MS4A13: variants seen among roughly 807,000 people sequenced by gnomAD.
MS4A13 encodes the protein membrane spanning 4-domains A13, also known as membrane-spanning 4-domains subfamily A member 13.
MS4A13 carries 21 observed loss-of-function variants against 18.4 expected under a neutral mutation model. The ratio of observed to expected loss-of-function variants is 1.14; its 90% CI spans 0.81 to 1.64. The LOEUF (loss-of-function observed/expected upper bound fraction) is 1.64. MS4A13 is among the 40% of genes most tolerant of loss of function. The probability of loss-of-function intolerance (pLI) is 0.00; values close to 1 mark genes in which losing one functional copy is unlikely to be tolerated. For missense variants in MS4A13, 173 were observed against 176.8 expected (o/e 0.98, Z 0.12); for synonymous variants, 62 against 57.2 (o/e 1.08, Z -0.38).
intron 6 of MS4A13, among the ~76,000 whole-genome samples, chr11:60,538,417 A>C (rs2135271371): frequency 6.6e-6 from 1 of 151,740 alleles, no homozygotes; most frequent in Non-Finnish European, 1.5e-5. Context: ...AGTTGATTTT[A>C]AATGTTTTCA....
rs963012156 is a variant in MS4A13 at position 60,538,829 on chromosome 11, G to A, written c.403-3690G>A. On this transcript the variant is annotated intron_variant, in intron 6 of 6. Coordinates refer to ENST00000378186, the MANE Select transcript of MS4A13 (RefSeq NM_001012417.3). ...AGGAGAAAGTTTTATCTGGCTGATG[G>A]CAGAAAGGGAAGTCAGAGAGATTTG... is the stretch of plus-strand genomic sequence containing the variant. Among the ~76,000 whole-genome samples the A allele has an allele frequency of 7.5e-5, 10 of 133,446 alleles. No homozygotes were observed. In the South Asian group the frequency reaches 8.2e-4, roughly 11 times the overall value. 87.5% of individuals were successfully genotyped at this position (133,446 alleles called of 152,430 possible).
intron 6 of MS4A13, among the ~76,000 whole-genome samples, chr11:60,531,892 CA>C (rs2086769878): frequency 6.6e-6 from 1 of 152,152 alleles, no homozygotes; most frequent in Non-Finnish European, 1.5e-5. Context: ...AGTCACATTC[CA>C]AGGTACTGGG....
At position 60,542,673 on chromosome 11, in the gene MS4A13, T is replaced by C. The variant is rs1244992843; in HGVS notation, c.*98T>C. On this transcript the variant is annotated 3_prime_UTR_variant, in exon 7 of 7. Transcript: ENST00000378186. ...AAGCAGTTACGAAGCCTACAGATTTTGTGCAAAATAAAATACAAACAAGGT... is the reference window on the plus strand; with the variant it reads ...AAGCAGTTACGAAGCCTACAGATTTCGTGCAAAATAAAATACAAACAAGGT... The C allele has an allele frequency of 1.0e-5, 7 of 674,096 alleles. No individual in the cohort carries two copies. In the Admixed American group the frequency reaches 2.1e-4, roughly 20 times the overall value. 41.8% of individuals were successfully genotyped at this position (674,096 alleles called of 1,614,324 possible).
Position 60,538,314 on chromosome 11 carries a change from G to A in MS4A13, c.403-4205G>A, listed in dbSNP as rs535707812. Among the ~76,000 whole-genome samples the A allele has an allele frequency of 1.2e-3, 180 of 151,804 alleles. 1 individual carries two copies. The highest frequency in any genetic ancestry group is 4.1e-3 in the African/African-American group (169 of 41,408). ...GTTGATCAAAGGCCATACAGTTTTC[G>A]TTAGACAGGAGGAGTAAGCTTTAGG... On this transcript the variant is annotated intron_variant, in intron 6 of 6. Transcript: ENST00000378186.
chr11:60,542,483 C>T, intron 6 of MS4A13, 36 bp from the exon 7 acceptor site: 1 of 1,432,432 alleles, frequency 7.0e-7, no homozygotes, highest in Non-Finnish European at 9.8e-7. Flanking sequence ...TATTAAGAAA[C>T]ATGATATGAT....
chr11:60,532,175 T>C (rs1233221231), intron 6 of MS4A13, among the ~76,000 whole-genome samples: 1 of 152,218 alleles, frequency 6.6e-6, no homozygotes, highest in Non-Finnish European at 1.5e-5. Context: ...GGAGCCAAGA[T>C]GGCCGAATAG....
At chr11:60,527,410 C>CTCTCTCTCTGTGTGTGTGTGTGTGTG (rs1555024373) in intron 5 of MS4A13, among the ~76,000 whole-genome samples, 1 of 28,788 alleles carries the variant, frequency 3.5e-5, no homozygotes, top group Non-Finnish European at 5.7e-5. Context: ...CTCTCTCTCT[C>CTCTCTCTCTGTGTGTGTGTGTGTGTG]TGTGTGTGTG....
intron 3 of MS4A13, 46 bp downstream of exon 3, chr11:60,518,258 A>G (rs1459053560): frequency 1.4e-6 from 2 of 1,475,026 alleles, no homozygotes; most frequent in Non-Finnish European, 1.8e-6. Context: ...AATAAATAAT[A>G]TTCATGCCAA....
chr11:60,516,265 G>C (rs1270361504), intron 2 of MS4A13, among the ~76,000 whole-genome samples, 181 bp downstream of exon 2: 2 of 151,792 alleles, frequency 1.3e-5, no homozygotes, highest in Non-Finnish European at 2.9e-5. Flanking sequence ...CATGTGCTGA[G>C]ATATGGGGAT....
At chr11:60,542,404 G>C (rs1590884553) in intron 6 of MS4A13, 115 bp from the exon 7 acceptor site, 3 of 559,014 alleles carry the variant, frequency 5.4e-6, no homozygotes, top group Non-Finnish European at 9.1e-6. Flanking sequence ...GATACTTTAA[G>C]ATTTCACTCT....
intron 6 of MS4A13, among the ~76,000 whole-genome samples, chr11:60,538,268 G>C (rs942661369): frequency 6.6e-6 from 1 of 151,714 alleles, no homozygotes; most frequent in Non-Finnish European, 1.5e-5. Context: ...GGCCGATGGG[G>C]CATAGATGAG....
chr11:60,529,411 T>G lies in MS4A13; in HGVS notation c.353T>G (p.Leu118Trp). The stretch of plus-strand genomic sequence containing the variant: ...CGTATTTTACTGTTCTTCTACGGTT[T>G]GGAATTTTCTATTGCACTTACACAC... The part of the protein sequence containing the change: ...VSRILLFFYG[L>W]EFSIALTHSI... The change falls in exon 6 of 7, where the codon TTG (leucine) becomes TGG (tryptophan). Residue 118 changes from leucine to tryptophan, a missense_variant. Leu to Trp is a moderately conservative substitution (Grantham distance 61). Transcript: ENST00000378186. The G allele has an allele frequency of 6.2e-7, 1 of 1,610,710 alleles. No homozygotes were observed. Among genetic ancestry groups the G allele is most frequent in the Non-Finnish European group, 8.5e-7 (1 of 1,178,526 alleles).
At position 60,525,266 on chromosome 11, in the gene MS4A13, TCTAA is replaced by T; in HGVS notation, c.248_251del (p.Leu83GlnfsTer2). On this transcript the variant is annotated frameshift_variant, in exon 5 of 7. Transcript: ENST00000378186. LOFTEE classifies it high-confidence loss of function. ...TAATTACTACAATTACTGCAGTAAC[TCTAA>T]CAATAATAGAGTTGTCTCATTTTAA... 6.3e-7 allele frequency: 1 copy of T among 1,584,036 alleles called. No homozygotes were observed. The highest frequency in any genetic ancestry group is 8.7e-7 in the Non-Finnish European group (1 of 1,154,746).
chr11:60,517,359 A>C (rs2086644546), intron 2 of MS4A13, among the ~76,000 whole-genome samples: 1 of 152,218 alleles, frequency 6.6e-6, no homozygotes, highest in Non-Finnish European at 1.5e-5. Context: ...TTTAAAGAGT[A>C]ATCAAAAATG....
At chr11:60,532,537 G>A (rs374160000) in intron 6 of MS4A13, among the ~76,000 whole-genome samples, 21 of 152,168 alleles carry the variant, frequency 1.4e-4, no homozygotes, top group South Asian at 4.2e-4. Context: ...ACGGAATCTC[G>A]CTGATTGCTA....
At position 60,533,443 on chromosome 11, in the gene MS4A13, G is replaced by A. The variant is rs1172397977; in HGVS notation, c.402+3983G>A. On this transcript the variant is annotated intron_variant, in intron 6 of 6. Coordinates refer to ENST00000378186, the MANE Select transcript of MS4A13 (RefSeq NM_001012417.3). The stretch of plus-strand genomic sequence containing the variant: ...ATCAGCAATGGAAGATGAAATGAAT[G>A]AAATGAAGCGAGAAGGGAAGTTTAG... 1.9e-5 allele frequency among the ~76,000 whole-genome samples: 2 copies of A among 105,526 alleles called. 1 individual carries two copies. The highest frequency in any genetic ancestry group is 3.8e-5 in the Non-Finnish European group (2 of 52,648). The allele number at this position is 105,526 out of a possible 152,430, so 69.2% of individuals were successfully genotyped here. A position where few individuals can be genotyped will look rare whatever the true frequency, so the allele number is the denominator to read the frequency against.
chr11:60,522,515 A>G (rs12419383), intron 3 of MS4A13, among the ~76,000 whole-genome samples: 52,520 of 151,930 alleles, frequency 0.35, 9,276 homozygotes, highest in South Asian at 0.39. Context: ...CTTCGAACAG[A>G]TGGAATGAGG....
At chr11:60,538,358 G>C (rs915351717) in intron 6 of MS4A13, among the ~76,000 whole-genome samples, 4 of 151,272 alleles carry the variant, frequency 2.6e-5, no homozygotes, top group Admixed American at 1.3e-4. Flanking sequence ...ACGTAGACTG[G>C]GGACTATAAT....
At chr11:60,525,577 G>A (rs2086708229) in intron 5 of MS4A13, among the ~76,000 whole-genome samples, 1 of 152,180 alleles carries the variant, frequency 6.6e-6, no homozygotes, top group East Asian at 1.9e-4. Context: ...TCAGTGGCAA[G>A]TGTCTATGTA....
Sources: allele counts gnomAD v4.1 joint callset (sites outside exome capture counted in the v4.1 genomes callset), GRCh38; gene constraint gnomAD v4.1.1; transcripts MANE v1.5; gene names NCBI Gene and HGNC (gene_info 2026-07-23, HGNC 2026-07-21).